The following ATRN variants were observed in gnomAD, a reference collection of about 807,000 sequenced individuals.
ATRN encodes the protein attractin-2.
In ATRN, 54 loss-of-function variants were observed where a neutral mutation model predicts 178.7. The observed-to-expected ratio is 0.30, with a 90% CI of 0.24 to 0.38. The LOEUF is 0.38. Ranked by LOEUF, ATRN falls within the 10% of genes least tolerant of loss-of-function variation. ATRN has a pLI of 1.00. For missense variants in ATRN, 1,443 were observed against 1,815.1 expected (o/e 0.79, Z 3.73); for synonymous variants, 636 against 663.0 (o/e 0.96, Z 0.63).
chr20:3,506,908 A>G (rs779217602), intron 1 of ATRN, among the ~76,000 whole-genome samples: 3 of 152,140 alleles, frequency 2.0e-5, no homozygotes, highest in Non-Finnish European at 2.9e-5. Context: ...TAGAAATACA[A>G]TAATTGATTT....
chr20:3,599,096 C>T (rs1457930326), intron 22 of ATRN, among the ~76,000 whole-genome samples: 1 of 151,962 alleles, frequency 6.6e-6, no homozygotes, highest in Non-Finnish European at 1.5e-5. Context: ...GATACATTCT[C>T]AAAAGTAAAT....
At chr20:3,613,296 G>GACT (rs2086791995) in intron 24 of ATRN, among the ~76,000 whole-genome samples, 1 of 152,166 alleles carries the variant, frequency 6.6e-6, no homozygotes, top group South Asian at 2.1e-4. Context: ...TATTCACTGT[G>GACT]ACTAGGCCCG....
chr20:3,603,647 G>A (rs1481199001), intron 23 of ATRN, among the ~76,000 whole-genome samples: 4 of 152,006 alleles, frequency 2.6e-5, no homozygotes, highest in South Asian at 2.1e-4. Context: ...GCGCCACCAC[G>A]CCTGGCTAAT....
intron 18 of ATRN, among the ~76,000 whole-genome samples, chr20:3,587,774 A>G (rs1416081982): frequency 6.6e-6 from 1 of 152,154 alleles, no homozygotes; most frequent in African/African-American, 2.4e-5. Flanking sequence ...CAAAAAGCCA[A>G]CTGGTTTGAT....
chr20:3,582,902 A>G (rs1392871279), intron 16 of ATRN, among the ~76,000 whole-genome samples: 2 of 152,130 alleles, frequency 1.3e-5, no homozygotes, highest in Admixed American at 6.6e-5. Flanking sequence ...CCCAGCTTTC[A>G]GTCTCTCTGG....
chr20:3,633,633 C>T (rs113432502), intron 25 of ATRN, among the ~76,000 whole-genome samples: 103 of 152,226 alleles, frequency 6.8e-4, no homozygotes, highest in African/African-American at 2.3e-3. Flanking sequence ...TCCTTTTAAC[C>T]GCAAGTCAGC....
intron 14 of ATRN, 152 bp downstream of exon 14, chr20:3,577,149 T>A: frequency 1.1e-6 from 1 of 930,452 alleles, no homozygotes; most frequent in Non-Finnish European, 1.5e-6. Context: ...TTTTTGTTTT[T>A]AACTAAAATA....
intron 6 of ATRN, among the ~76,000 whole-genome samples, chr20:3,555,802 C>T (rs2085869174): frequency 6.6e-6 from 1 of 152,164 alleles, no homozygotes; most frequent in Non-Finnish European, 1.5e-5. Context: ...TAACCTCAAA[C>T]AAGATGAAAG....
chr20:3,507,698 T>A (rs1173296090), intron 1 of ATRN, among the ~76,000 whole-genome samples: 6 of 143,816 alleles, frequency 4.2e-5, no homozygotes, highest in African/African-American at 1.5e-4. Flanking sequence ...AAAAATATTT[T>A]TTTTTTTTTT....
chr20:3,527,995 C>G (rs949306298), intron 1 of ATRN, among the ~76,000 whole-genome samples: 1 of 151,958 alleles, frequency 6.6e-6, no homozygotes, highest in African/African-American at 2.4e-5. Flanking sequence ...GTGCGGCAAA[C>G]CACCATGGCA....
At chr20:3,601,086 T>G in intron 23 of ATRN, 62 bp downstream of exon 23, 1 of 1,469,580 alleles carries the variant, frequency 6.8e-7, no homozygotes, top group Non-Finnish European at 9.5e-7. Flanking sequence ...AAATGTAATA[T>G]AGGAATTGAG....
chr20:3,536,454 G>A (rs1486144523), intron 2 of ATRN, among the ~76,000 whole-genome samples: 1 of 151,978 alleles, frequency 6.6e-6, no homozygotes, highest in Non-Finnish European at 1.5e-5. Flanking sequence ...CAAGTGATCC[G>A]CCTGCCTTGG....
At chr20:3,562,577 A>C in intron 9 of ATRN, 118 bp downstream of exon 9, 1 of 957,360 alleles carries the variant, frequency 1.0e-6, no homozygotes, top group Non-Finnish European at 1.5e-6. Flanking sequence ...GTTCGGCATT[A>C]TATATAGAGA....
intron 6 of ATRN, among the ~76,000 whole-genome samples, chr20:3,558,421 A>C (rs2085906955): frequency 6.6e-6 from 1 of 151,994 alleles, no homozygotes; most frequent in South Asian, 2.1e-4. Context: ...AAACTTTCTT[A>C]TACCTTTATG....
At chr20:3,574,823 A>G (rs531137586) in intron 12 of ATRN, among the ~76,000 whole-genome samples, 154 of 152,234 alleles carry the variant, frequency 1.0e-3, no homozygotes, top group African/African-American at 3.5e-3. Flanking sequence ...AATGACCAGG[A>G]CAGGAAGAGC....
chr20:3,542,019 T>C (rs1038430229), intron 3 of ATRN, among the ~76,000 whole-genome samples: 2 of 152,242 alleles, frequency 1.3e-5, no homozygotes, highest in African/African-American at 4.8e-5. Flanking sequence ...GAAATCTCTC[T>C]GACATATCTT....
intron 25 of ATRN, 42 bp from the exon 26 acceptor site, chr20:3,634,269 C>A: frequency 6.3e-7 from 1 of 1,588,548 alleles, no homozygotes; most frequent in Non-Finnish European, 8.6e-7. Context: ...GGAGCTGATT[C>A]TGGGGGCTGG....
Position 3,647,929 on chromosome 20 carries a change from C to G in ATRN, c.*1082C>G, listed in dbSNP as rs1416990529. ...GCCCCCACCCCCGTGTCACCCTAGGCCTGATAAGCGATCAGAGGAAAGGAC... is the reference window on the plus strand; with the variant it reads ...GCCCCCACCCCCGTGTCACCCTAGGGCTGATAAGCGATCAGAGGAAAGGAC... On this transcript the variant is annotated 3_prime_UTR_variant, in exon 29 of 29. Transcript: ENST00000262919. 7.2e-5 allele frequency: 11 copies of G among 152,132 alleles called. No homozygotes were observed. The highest frequency in any genetic ancestry group is 7.2e-4 in the Admixed American group (11 of 15,272). The allele number at this position is 152,132 out of a possible 1,614,324, so 9.4% of individuals were successfully genotyped here. A position where few individuals can be genotyped will look rare whatever the true frequency, so the allele number is the denominator to read the frequency against.
intron 28 of ATRN, 150 bp from the exon 29 acceptor site, chr20:3,646,573 T>TA: frequency 1.8e-6 from 2 of 1,109,672 alleles, no homozygotes; most frequent in Non-Finnish European, 1.2e-6. Context: ...TTTCCCTGTG[T>TA]ATGTGTACCT....
Sources: allele counts gnomAD v4.1 joint callset (sites outside exome capture counted in the v4.1 genomes callset), GRCh38; gene constraint gnomAD v4.1.1; transcripts MANE v1.5; gene names NCBI Gene and HGNC (gene_info 2026-07-23, HGNC 2026-07-21).